The following GALNS variants were observed in gnomAD, a reference collection of about 807,000 sequenced individuals.
The protein encoded by GALNS is N-acetylgalactosamine-6-sulfatase.
A neutral mutation model predicts 65.9 loss-of-function variants in GALNS; 65 were observed. The ratio of observed to expected loss-of-function variants is 0.99; its 90% CI spans 0.81 to 1.21. The LOEUF is 1.21. Among genes scored for constraint, GALNS ranks in the 50% most tolerant of loss-of-function variants. GALNS has a pLI of 0.00. For missense variants in GALNS, 776 were observed against 700.7 expected (o/e 1.11, Z -1.21); for synonymous variants, 346 against 288.9 (o/e 1.20, Z -2.00).
chr16:88,825,089 TGACTGGGTATCTGGGGC>T (rs1910683699), intron 10 of GALNS, among the ~76,000 whole-genome samples: 1,035 of 95,842 alleles, frequency 0.011, 24 homozygotes, highest in African/African-American at 0.054. Flanking sequence ...AGGGCTGGGG[TGACTGGGTATCTGGGGC>T]GCCTGGGTGT....
At chr16:88,846,943 C>G (rs1302054527) in intron 1 of GALNS, among the ~76,000 whole-genome samples, 1 of 152,094 alleles carries the variant, frequency 6.6e-6, no homozygotes, top group Non-Finnish European at 1.5e-5. Context: ...GAGAAGCCCA[C>G]TTAGTGTGAA....
chr16:88,822,382 A>C (rs1683165323), intron 12 of GALNS, among the ~76,000 whole-genome samples: 1 of 152,148 alleles, frequency 6.6e-6, no homozygotes, highest in South Asian at 2.1e-4. Flanking sequence ...GAAGGGGCAG[A>C]AGTGGGGAGA....
Position 88,823,934 on chromosome 16 carries a change from C to T in GALNS, c.1242+833G>A, listed in dbSNP as rs112274942. Among the ~76,000 whole-genome samples the T allele has an allele frequency of 9.4e-3, 1,423 of 152,140 alleles. 23 individuals carry two copies. Among genetic ancestry groups the T allele is most frequent in the African/African-American group, 0.032 (1,335 of 41,412 alleles). ...GTAAAACCCGAAAGAAGAGCGGGTGCGGGGCCTGCACAGGGTGGGGAGGAG... is the reference window on the plus strand; with the variant it reads ...GTAAAACCCGAAAGAAGAGCGGGTGTGGGGCCTGCACAGGGTGGGGAGGAG... On this transcript the variant is annotated intron_variant, in intron 11 of 13. Coordinates refer to ENST00000268695, the MANE Select transcript of GALNS (RefSeq NM_000512.5).
In GALNS at chr16:88,841,038, C is replaced by G. The variant is rs1177468816; in HGVS notation, c.376G>C (p.Glu126Gln). 1.9e-6 allele frequency: 3 copies of G among 1,613,248 alleles called. No homozygotes were observed. Among genetic ancestry groups the G allele is most frequent in the Non-Finnish European group, 1.7e-6 (2 of 1,180,016 alleles). ...ACGTAGCCGGCCTTCTTCAGAAGCT[C>G]CGGCAGGAGCTGCTCCGAGTCTGGG... ...GIPDSEQLLPELLKKAGYVSK... is the reference protein window; with the variant it reads ...GIPDSEQLLPQLLKKAGYVSK... Residue 126 changes from glutamate (E) to glutamine (Q), a missense_variant, in exon 4 of 14, where the codon GAG (glutamate) becomes CAG (glutamine). Glu to Gln is a conservative substitution (Grantham distance 29). Coordinates refer to ENST00000268695, the MANE Select transcript of GALNS (RefSeq NM_000512.5).
At chr16:88,832,462 G>A (rs1911609295) in intron 8 of GALNS, among the ~76,000 whole-genome samples, 1 of 152,154 alleles carries the variant, frequency 6.6e-6, no homozygotes, top group Non-Finnish European at 1.5e-5. Flanking sequence ...CCCGGTGTTT[G>A]GGGTACTTAA....
Position 88,818,004 on chromosome 16 carries a change from T to TA in GALNS, c.1482+2dup. Reference sequence around the variant, plus strand: ...GACGGCCGCCCACACACCAGCCACTTACCATGACCGCCCAGTTGCACACGT... The same window carrying TA: ...GACGGCCGCCCACACACCAGCCACTTAACCATGACCGCCCAGTTGCACACGT... On this transcript the variant is annotated splice_region_variant and intron_variant, in intron 13 of 13. Transcript: ENST00000268695. 6.3e-7 allele frequency: 1 copy of TA among 1,579,266 alleles called. No individual in the cohort carries two copies. Among genetic ancestry groups the TA allele is most frequent in the Non-Finnish European group, 8.6e-7 (1 of 1,168,284 alleles).
chr16:88,835,294 G>A lies in GALNS; in HGVS notation c.817C>T (p.Gln273Ter), dbSNP rs2143001165. ...DSIGKILELLQDLHVADNTFV... is the reference protein window; with the variant it reads ...DSIGKILELL ...GTGTTGTCCGCGACGTGCAGGTCTTGGAGGAGCTCCAGTATCTTCCCAATG... is the reference window on the plus strand; with the variant it reads ...GTGTTGTCCGCGACGTGCAGGTCTTAGAGGAGCTCCAGTATCTTCCCAATG... Residue 273 changes from glutamine (Q) to a stop codon, truncating the protein, a stop_gained, in exon 8 of 14, where the codon CAA becomes TAA. Transcript: ENST00000268695. LOFTEE classifies it high-confidence loss of function. The A allele has an allele frequency of 6.2e-7, 1 of 1,613,436 alleles. No individual in the cohort carries two copies. Among genetic ancestry groups the A allele is most frequent in the Non-Finnish European group, 8.5e-7 (1 of 1,179,772 alleles).
chr16:88,819,501 C>T (rs1395520195), intron 12 of GALNS, among the ~76,000 whole-genome samples: 1 of 151,918 alleles, frequency 6.6e-6, no homozygotes, highest in Non-Finnish European at 1.5e-5. Context: ...TGAGCGTCCC[C>T]GAAGGCCGTG....
At chr16:88,849,450 A>G (rs1028403011) in intron 1 of GALNS, among the ~76,000 whole-genome samples, 2 of 151,926 alleles carry the variant, frequency 1.3e-5, no homozygotes, top group Non-Finnish European at 2.9e-5. Context: ...AAGCTCATCT[A>G]ATTTTTGTAT....
chr16:88,841,167 C>T lies in GALNS; in HGVS notation c.320-73G>A, dbSNP rs1240395580. The stretch of plus-strand genomic sequence containing the variant: ...CCACCAACCCCATCCTAACAGGACA[C>T]TGGGGGCTGCGTCCACACATCCTAA... On this transcript the variant is annotated intron_variant, in intron 3 of 13. Coordinates refer to ENST00000268695, the MANE Select transcript of GALNS (RefSeq NM_000512.5). 2.0e-5 allele frequency: 23 copies of T among 1,163,372 alleles called. No homozygotes were observed. In the Admixed American group the frequency reaches 3.3e-4, roughly 17 times the overall value. 72.1% of individuals were successfully genotyped at this position (1,163,372 alleles called of 1,614,324 possible).
rs113867932 is a variant in GALNS, at chr16:88,845,743, CA to C, written c.121-2915del. ...TGGGTGACAGAGCAAGACTCCGTCT[CA>C]AAAAAAAAAAAAGGGCATGAGAGGA... On this transcript the variant is annotated intron_variant, in intron 1 of 13. Transcript: ENST00000268695. 779 of 97,102 alleles carry C rather than the reference CA, an allele frequency of 8.0e-3. 2 individuals carry two copies. Among genetic ancestry groups the C allele is most frequent in the African/African-American group, 0.02 (519 of 25,412 alleles). The allele number at this position is 97,102 out of a possible 1,614,324, so 6.0% of individuals were successfully genotyped here.
intron 3 of GALNS, among the ~76,000 whole-genome samples, 196 bp from the exon 4 acceptor site, chr16:88,841,290 C>T (rs1164974337): frequency 6.6e-6 from 1 of 152,186 alleles, no homozygotes; most frequent in Admixed American, 6.5e-5. Flanking sequence ...CCCTCAGAGC[C>T]AGTGCCATCA....
At chr16:88,823,882 GA>G (rs1279091094) in intron 11 of GALNS, among the ~76,000 whole-genome samples, 4 of 152,178 alleles carry the variant, frequency 2.6e-5, no homozygotes, top group East Asian at 3.9e-4. Context: ...CGATGCCCAG[GA>G]TGGCCCTTGC....
At chr16:88,815,056 T>C in intron 13 of GALNS, 1 of 938,150 alleles carries the variant, frequency 1.1e-6, no homozygotes, top group Non-Finnish European at 1.2e-6. Flanking sequence ...ATGTGTCCCC[T>C]GCCCAGGTCA....
intron 4 of GALNS, 62 bp from the exon 5 acceptor site, chr16:88,837,827 C>A (rs935157194): frequency 6.4e-7 from 1 of 1,568,046 alleles, no homozygotes; most frequent in Non-Finnish European, 8.8e-7. Flanking sequence ...AAGTTCTGAG[C>A]AGCAACAGAT....
At chr16:88,838,393 C>G (rs572834597) in intron 4 of GALNS, among the ~76,000 whole-genome samples, 1 of 152,256 alleles carries the variant, frequency 6.6e-6, no homozygotes, top group African/African-American at 2.4e-5. Context: ...GAGAACGTGA[C>G]AGTGTGGCCA....
At chr16:88,814,570 T>C (rs1331868231) in intron 13 of GALNS, 45 bp from the exon 14 acceptor site, 8 of 1,549,238 alleles carry the variant, frequency 5.2e-6, no homozygotes, top group Non-Finnish European at 7.0e-6. Flanking sequence ...TTATTCAAGC[T>C]CTTCTGGACC....
intron 3 of GALNS, 39 bp from the exon 4 acceptor site, chr16:88,841,133 G>C (rs113526906): frequency 5.2e-6 from 8 of 1,525,166 alleles, no homozygotes; most frequent in Non-Finnish European, 7.3e-6. Context: ...AGGAGACCCC[G>C]AGAAGCTGCC....
chr16:88,837,617 A>G lies in GALNS; in HGVS notation c.566+5T>C, dbSNP rs3743545. ...GTGGGAGGGGAAGGGGTGGGGCTCC[A>G]TTACCTGCCAACCATCTCCCAGTCC... On this transcript the variant is annotated splice_donor_5th_base_variant and intron_variant, in intron 5 of 13. Coordinates refer to ENST00000268695, the MANE Select transcript of GALNS (RefSeq NM_000512.5). 1.6e-3 allele frequency: 2,561 copies of G among 1,612,534 alleles called. 52 individuals are homozygous for G. In the East Asian group the frequency reaches 0.052, roughly 33 times the overall value.
Sources: allele counts gnomAD v4.1 joint callset (sites outside exome capture counted in the v4.1 genomes callset), GRCh38; gene constraint gnomAD v4.1.1; transcripts MANE v1.5; gene names NCBI Gene and HGNC (gene_info 2026-07-23, HGNC 2026-07-21).